The following KLHL6 variants were observed in gnomAD, a reference collection of about 807,000 sequenced individuals.
KLHL6 encodes kelch like family member 6, also known as kelch-like protein 6.
In KLHL6, 41 loss-of-function variants were observed where a neutral mutation model predicts 58.6. The ratio of observed to expected loss-of-function variants is 0.70; its 90% CI spans 0.55 to 0.91. KLHL6 has a LOEUF of 0.91. Ranked by LOEUF, KLHL6 falls within the 40% of genes least tolerant of loss-of-function variation. The pLI is 0.00. For missense variants in KLHL6, 714 were observed against 805.6 expected (o/e 0.89, Z 1.38); for synonymous variants, 338 against 322.7 (o/e 1.05, Z -0.51).
chr3:183,503,704 G>C (rs1353940369), intron 3 of KLHL6, among the ~76,000 whole-genome samples: 1 of 152,164 alleles, frequency 6.6e-6, no homozygotes, highest in Non-Finnish European at 1.5e-5. Context: ...TCTTGAACCT[G>C]GGAGGCAGAG....
At chr3:183,506,342 C>A (rs1462607460) in intron 3 of KLHL6, among the ~76,000 whole-genome samples, 2 of 152,236 alleles carry the variant, frequency 1.3e-5, no homozygotes, top group South Asian at 2.1e-4. Flanking sequence ...ATTCAACAAG[C>A]ATTTACTAAT....
intron 3 of KLHL6, among the ~76,000 whole-genome samples, chr3:183,506,119 C>G (rs1407721984): frequency 1.3e-5 from 2 of 152,210 alleles, no homozygotes; most frequent in Non-Finnish European, 2.9e-5. Flanking sequence ...AGCCTGGTAG[C>G]TAATCCCAGA....
intron 3 of KLHL6, among the ~76,000 whole-genome samples, chr3:183,501,313 C>G (rs1332343545): frequency 6.6e-6 from 1 of 152,242 alleles, no homozygotes; most frequent in African/African-American, 2.4e-5. Context: ...CTTCAGGTGT[C>G]AGCCCTGGTT....
In KLHL6 at chr3:183,496,775, G is replaced by A. The variant is rs187661624; in HGVS notation, c.1148-2494C>T. On this transcript the variant is annotated intron_variant, in intron 4 of 6. Transcript: ENST00000341319. The stretch of plus-strand genomic sequence containing the variant: ...AGTACAAGTTTCTGTTGATTTAGCC[G>A]TGTATAACAAGCATGCTTTCAGGTA... Among the ~76,000 whole-genome samples the A allele has an allele frequency of 1.8e-3, 268 of 152,324 alleles. 1 individual carries two copies. The highest frequency in any genetic ancestry group is 2.0e-3 in the Non-Finnish European group (138 of 68,026).
chr3:183,508,541 G>A (rs1560096403), intron 2 of KLHL6, 33 bp from the exon 3 acceptor site: 4 of 1,585,670 alleles, frequency 2.5e-6, no homozygotes, highest in South Asian at 1.1e-5. Flanking sequence ...AAGGAGGCCA[G>A]AAAATGGTGA....
In KLHL6 at chr3:183,491,701, T is replaced by G. The variant is rs1717557940; in HGVS notation, c.*226A>C. The G allele has an allele frequency of 2.4e-6, 1 of 412,256 alleles. No individual in the cohort carries two copies. The highest frequency in any genetic ancestry group is 2.0e-5 in the African/African-American group (1 of 49,240). 25.5% of individuals were successfully genotyped at this position (412,256 alleles called of 1,614,324 possible). A position where few individuals can be genotyped will look rare whatever the true frequency, so the allele number is the denominator to read the frequency against. On this transcript the variant is annotated 3_prime_UTR_variant, in exon 7 of 7. Coordinates refer to ENST00000341319, the MANE Select transcript of KLHL6 (RefSeq NM_130446.4). ...TGGGTGGGTCCTGAATGCTAAATAT[T>G]ACTCTTCCTCGCCTCCCCTCCTGAG...
intron 1 of KLHL6, among the ~76,000 whole-genome samples, chr3:183,540,958 T>G (rs759408163): frequency 5.3e-5 from 8 of 152,162 alleles, no homozygotes; most frequent in Non-Finnish European, 8.8e-5. Flanking sequence ...GACCAGGCTA[T>G]TGCCCGGAGG....
At chr3:183,533,782 C>G (rs1178455166) in intron 1 of KLHL6, among the ~76,000 whole-genome samples, 1 of 151,976 alleles carries the variant, frequency 6.6e-6, no homozygotes, top group African/African-American at 2.4e-5. Flanking sequence ...CCGCCTCCGT[C>G]CTTCCCCCTC....
intron 2 of KLHL6, among the ~76,000 whole-genome samples, chr3:183,525,490 T>C (rs1199443247): frequency 2.0e-5 from 3 of 152,166 alleles, no homozygotes; most frequent in Non-Finnish European, 4.4e-5. Flanking sequence ...CATCATCTCA[T>C]CTAACTTCAT....
chr3:183,554,035 G>A (rs75457055), intron 1 of KLHL6, among the ~76,000 whole-genome samples: 2,795 of 151,556 alleles, frequency 0.018, 88 homozygotes, highest in African/African-American at 0.065. Flanking sequence ...TAGGTTAATC[G>A]TTTTCAATTT....
chr3:183,518,799 G>A (rs1711641436), intron 2 of KLHL6, among the ~76,000 whole-genome samples: 1 of 152,172 alleles, frequency 6.6e-6, no homozygotes, highest in Admixed American at 6.6e-5. Flanking sequence ...TACCAAAACA[G>A]GAGACGTGAG....
At chr3:183,510,748 C>G (rs1718159460) in intron 2 of KLHL6, among the ~76,000 whole-genome samples, 1 of 152,020 alleles carries the variant, frequency 6.6e-6, no homozygotes, top group Non-Finnish European at 1.5e-5. Context: ...GTGGCACATG[C>G]CTGTAATCCC....
At chr3:183,540,765 T>A (rs564044439) in intron 1 of KLHL6, among the ~76,000 whole-genome samples, 1 of 152,300 alleles carries the variant, frequency 6.6e-6, no homozygotes, top group African/African-American at 2.4e-5. Flanking sequence ...ATGGTGATTA[T>A]TCTTTACCTT....
chr3:183,533,838 C>T (rs1712237013), intron 1 of KLHL6, among the ~76,000 whole-genome samples: 1 of 151,968 alleles, frequency 6.6e-6, no homozygotes, highest in South Asian at 2.1e-4. Context: ...ACCTTTCCTT[C>T]CCTCCCCTCT....
chr3:183,511,244 G>T (rs1718177933), intron 2 of KLHL6, among the ~76,000 whole-genome samples: 1 of 152,234 alleles, frequency 6.6e-6, no homozygotes, highest in Non-Finnish European at 1.5e-5. Context: ...GCCTGGACGT[G>T]CACGTAGGCC....
At chr3:183,501,614 AC>A (rs1339901862) in intron 3 of KLHL6, among the ~76,000 whole-genome samples, 1 of 151,546 alleles carries the variant, frequency 6.6e-6, no homozygotes, top group Non-Finnish European at 1.5e-5. Flanking sequence ...TTACCTCCTG[AC>A]CCCCAGGGCT....
intron 2 of KLHL6, among the ~76,000 whole-genome samples, chr3:183,525,269 A>AACACACACAC (rs1553811030): frequency 1.5e-5 from 2 of 133,864 alleles, no homozygotes; most frequent in African/African-American, 5.5e-5. Flanking sequence ...CTAAAAAAAA[A>AACACACACAC]ACACACACAC....
At chr3:183,526,125 TG>T (rs1441303650) in intron 2 of KLHL6, among the ~76,000 whole-genome samples, 2 of 151,982 alleles carry the variant, frequency 1.3e-5, no homozygotes, top group African/African-American at 2.4e-5. Context: ...CTGGCCAACA[TG>T]GGGAAACCCC....
At chr3:183,510,921 T>C (rs1718165836) in intron 2 of KLHL6, among the ~76,000 whole-genome samples, 1 of 134,544 alleles carries the variant, frequency 7.4e-6, no homozygotes, top group Admixed American at 7.4e-5. Flanking sequence ...CGAGGGTCAA[T>C]GCTGAAGGGG....
Sources: allele counts gnomAD v4.1 joint callset (sites outside exome capture counted in the v4.1 genomes callset), GRCh38; gene constraint gnomAD v4.1.1; transcripts MANE v1.5; gene names NCBI Gene and HGNC (gene_info 2026-07-23, HGNC 2026-07-21).